The following PBX4 variants were observed in gnomAD, a reference collection of about 807,000 sequenced individuals.
The protein encoded by PBX4 is pre-B-cell leukemia transcription factor 4.
In PBX4, 26 loss-of-function variants were observed where a neutral mutation model predicts 35.1. That is an observed-to-expected ratio of 0.74 (90% CI 0.54 to 1.03). The LOEUF (loss-of-function observed/expected upper bound fraction) is 1.03. Ranked by LOEUF, PBX4 falls within the 50% of genes least tolerant of loss-of-function variation. The pLI is 0.00. For missense variants in PBX4, 448 were observed against 504.3 expected (o/e 0.89, Z 1.07); for synonymous variants, 199 against 204.2 (o/e 0.97, Z 0.22).
At chr19:19,582,132 C>G (rs956149559) in intron 2 of PBX4, among the ~76,000 whole-genome samples, 2 of 152,110 alleles carry the variant, frequency 1.3e-5, no homozygotes, top group African/African-American at 4.8e-5. Context: ...TCCTCCCACC[C>G]CCCAAATCCT....
intron 2 of PBX4, among the ~76,000 whole-genome samples, chr19:19,588,890 C>A (rs1233461437): frequency 3.3e-5 from 5 of 152,160 alleles, no homozygotes; most frequent in Non-Finnish European, 7.3e-5. Flanking sequence ...AATCCCAGCA[C>A]TTTTAGAGGC....
intron 2 of PBX4, among the ~76,000 whole-genome samples, chr19:19,591,043 C>G (rs189538886): frequency 4.6e-5 from 7 of 152,206 alleles, no homozygotes; most frequent in East Asian, 1.9e-4. Context: ...AGCCACCCAG[C>G]TGATGAGACT....
chr19:19,590,210 G>A (rs963521423), intron 2 of PBX4, among the ~76,000 whole-genome samples: 1 of 152,088 alleles, frequency 6.6e-6, no homozygotes, highest in Non-Finnish European at 1.5e-5. Flanking sequence ...CCGTCTCTAT[G>A]AGCAGTCACT....
intron 1 of PBX4, among the ~76,000 whole-genome samples, chr19:19,604,874 A>G (rs2061620560): frequency 6.6e-6 from 1 of 152,004 alleles, no homozygotes; most frequent in Non-Finnish European, 1.5e-5. Flanking sequence ...TGCTGGGATC[A>G]CAGGTGTGAG....
At chr19:19,617,252 G>C (rs1392728267) in intron 1 of PBX4, among the ~76,000 whole-genome samples, 1 of 152,082 alleles carries the variant, frequency 6.6e-6, no homozygotes, top group Non-Finnish European at 1.5e-5. Flanking sequence ...CTGGACTCAA[G>C]TGATCCTCCC....
intron 1 of PBX4, chr19:19,608,810 A>G (rs2061646100): frequency 6.6e-6 from 1 of 152,354 alleles, no homozygotes; most frequent in Admixed American, 6.6e-5. Context: ...AGAGTCATGC[A>G]CTCTGATTGC....
chr19:19,596,034 G>C (rs1313281287), intron 2 of PBX4, among the ~76,000 whole-genome samples: 2 of 151,950 alleles, frequency 1.3e-5, no homozygotes, highest in Non-Finnish European at 2.9e-5. Flanking sequence ...GGAGGTTGAG[G>C]CTGCAATGAG....
chr19:19,599,538 G>A (rs919543000), intron 1 of PBX4, among the ~76,000 whole-genome samples, 173 bp from the exon 2 acceptor site: 2 of 152,022 alleles, frequency 1.3e-5, no homozygotes, highest in Non-Finnish European at 2.9e-5. Flanking sequence ...AATTTGATTT[G>A]CACAAAATCA....
At chr19:19,605,100 T>C (rs1390211820) in intron 1 of PBX4, among the ~76,000 whole-genome samples, 1 of 151,518 alleles carries the variant, frequency 6.6e-6, no homozygotes. Flanking sequence ...CTGGGGAACA[T>C]GGTGAAACCC....
At chr19:19,610,416 A>G (rs1310055991) in intron 1 of PBX4, among the ~76,000 whole-genome samples, 1 of 150,256 alleles carries the variant, frequency 6.7e-6, no homozygotes, top group African/African-American at 2.5e-5. Flanking sequence ...TCCATCTCGA[A>G]AACAATAAAA....
intron 2 of PBX4, 29 bp from the exon 3 acceptor site, chr19:19,570,862 A>G (rs779856287): frequency 6.2e-7 from 1 of 1,603,348 alleles, no homozygotes; most frequent in Admixed American, 1.7e-5. Flanking sequence ...GACAAGTCAC[A>G]ATTCATTTTC....
rs2061701019 is a variant in PBX4 at position 19,618,621 on chromosome 19, G to C, written c.9C>G (p.Ala3=). The stretch of plus-strand genomic sequence containing the variant: ...GGGGCGATGGCGCGGGGCGCGGCGG[G>C]GCGGCCATGAGCGGCAGGGCCGGGC... The part of the protein sequence containing the change: MA[A]PPRPAPSPPA... The change falls in exon 1 of 8, where the codon GCC becomes GCG. Residue 3 remains alanine, a synonymous_variant. Coordinates refer to ENST00000251203, the MANE Select transcript of PBX4 (RefSeq NM_025245.3). 2 of 1,250,462 alleles carry C rather than the reference G, an allele frequency of 1.6e-6. No homozygotes were observed. Among genetic ancestry groups the C allele is most frequent in the South Asian group, 6.9e-5 (2 of 29,068 alleles). 77.5% of individuals were successfully genotyped at this position (1,250,462 alleles called of 1,614,324 possible).
At chr19:19,593,641 C>A (rs919905431) in intron 2 of PBX4, among the ~76,000 whole-genome samples, 1 of 152,204 alleles carries the variant, frequency 6.6e-6, no homozygotes, top group African/African-American at 2.4e-5. Flanking sequence ...AGGCATCCCT[C>A]AGCTCCAGGC....
At chr19:19,616,475 C>T (rs1002758536) in intron 1 of PBX4, among the ~76,000 whole-genome samples, 18 of 151,852 alleles carry the variant, frequency 1.2e-4, no homozygotes, top group Non-Finnish European at 2.5e-4. Flanking sequence ...CACCACCACG[C>T]CCAGCTAATT....
intron 2 of PBX4, chr19:19,588,020 G>A: frequency 5.2e-6 from 3 of 580,386 alleles, no homozygotes; most frequent in Non-Finnish European, 9.5e-6. Flanking sequence ...GCTGGTAATA[G>A]TAGGCATCTT....
intron 1 of PBX4, among the ~76,000 whole-genome samples, chr19:19,612,652 C>G (rs1036049481): frequency 6.6e-6 from 1 of 151,996 alleles, no homozygotes; most frequent in African/African-American, 2.4e-5. Context: ...CTTGAGTGAA[C>G]TTTAGGGCTT....
intron 1 of PBX4, among the ~76,000 whole-genome samples, chr19:19,605,632 A>AG (rs2061626324): frequency 6.6e-6 from 1 of 151,280 alleles, no homozygotes; most frequent in Non-Finnish European, 1.5e-5. Context: ...TCTCATAAAT[A>AG]AATAAATAAA....
intron 1 of PBX4, among the ~76,000 whole-genome samples, chr19:19,611,754 G>C (rs914491626): frequency 1.3e-5 from 2 of 151,860 alleles, no homozygotes; most frequent in African/African-American, 4.8e-5. Context: ...AGGCATTGCT[G>C]GGTTGCCTAA....
At chr19:19,588,527 T>C in intron 2 of PBX4, 1 of 506,662 alleles carries the variant, frequency 2.0e-6, no homozygotes, top group Non-Finnish European at 3.8e-6. Flanking sequence ...TCTACCCGCC[T>C]CACCCTCCGA....
Sources: gnomAD v4.1 joint callset for allele counts (sites outside exome capture counted in the v4.1 genomes callset) on GRCh38, gnomAD v4.1.1 for gene constraint, MANE v1.5 for transcripts, NCBI Gene and HGNC (gene_info 2026-07-23, HGNC 2026-07-21) for gene names.